RXFP1: variants seen among roughly 807,000 people sequenced by gnomAD.
The protein encoded by RXFP1 is relaxin family peptide receptor 1.
A neutral mutation model predicts 89.8 loss-of-function variants in RXFP1; 73 were observed. That is an observed-to-expected ratio of 0.81 (90% CI 0.67 to 0.99). RXFP1 has a LOEUF of 0.99. Ranked by LOEUF, RXFP1 falls within the 50% of genes least tolerant of loss-of-function variation. RXFP1 has a pLI of 0.00. For missense variants in RXFP1, 793 were observed against 895.5 expected, an observed-to-expected ratio of 0.89 and a Z score of 1.46; for synonymous variants, 277 against 305.5, an observed-to-expected ratio of 0.91 and a Z score of 0.97.
intron 1 of RXFP1, among the ~76,000 whole-genome samples, chr4:158,552,417 G>A (rs1045276776): frequency 1.2e-4 from 19 of 152,258 alleles, no homozygotes; most frequent in African/African-American, 4.6e-4. Flanking sequence ...AATGCTTACT[G>A]AATGTGAACT....
intron 12 of RXFP1, 134 bp downstream of exon 12, chr4:158,633,610 C>T (rs1422858894): frequency 1.9e-6 from 1 of 531,994 alleles, no homozygotes; most frequent in East Asian, 3.4e-5. Context: ...CATTGCTGCC[C>T]AACCACCACC....
At chr4:158,626,148 A>ATAGATAGATAGATAGATAGATAGTTAGT (rs1554019530) in intron 9 of RXFP1, among the ~76,000 whole-genome samples, 2 of 149,644 alleles carry the variant, frequency 1.3e-5, no homozygotes, top group African/African-American at 5.0e-5. Context: ...AGATAGATAG[A>ATAGATAGATAGATAGATAGATAGTTAGT]TAGATAGATA....
At chr4:158,596,324 C>T (rs1011209338) in intron 3 of RXFP1, among the ~76,000 whole-genome samples, 5 of 145,908 alleles carry the variant, frequency 3.4e-5, no homozygotes, top group African/African-American at 5.0e-5. Context: ...AGTGCAATGG[C>T]GCAATCTTGG....
intron 1 of RXFP1, among the ~76,000 whole-genome samples, chr4:158,546,832 A>G (rs1347343535): frequency 8.6e-5 from 13 of 151,546 alleles, no homozygotes; most frequent in East Asian, 3.9e-4. Context: ...TTTTTGATGT[A>G]CTGCTGGATT....
chr4:158,645,027 G>T lies in RXFP1; in HGVS notation c.1234G>T (p.Val412Phe), dbSNP rs374291602. 2.5e-6 allele frequency: 4 copies of T among 1,614,012 alleles called. No homozygotes were observed. The African/African-American group carries it at 5.3e-5, about 22-fold the overall frequency. The change falls in exon 15 of 18, where the codon GTC becomes TTC. Residue 412 changes from valine to phenylalanine, a missense_variant. Val to Phe is a conservative substitution (Grantham distance 50). Transcript: ENST00000307765. ...LLASIIQRVF[V>F]WVVSAVTCFG... ...GGCAAGCATTATTCAGAGAGTATTT[G>T]TCTGGGTTGTATCTGCAGTTACCTG...
At chr4:158,544,336 C>A in intron 1 of RXFP1, 1 of 984,708 alleles carries the variant, frequency 1.0e-6, no homozygotes. Flanking sequence ...GATGAGACAG[C>A]ATCTCATCCT....
intron 1 of RXFP1, among the ~76,000 whole-genome samples, chr4:158,540,789 G>A (rs1004633996): frequency 7.9e-5 from 12 of 152,116 alleles, no homozygotes; most frequent in African/African-American, 2.9e-4. Context: ...AGCCTGTGCT[G>A]TAAACATGCC....
intron 1 of RXFP1, 37 bp from the exon 2 acceptor site, chr4:158,572,661 C>T (rs748690062): frequency 6.3e-7 from 1 of 1,597,328 alleles, no homozygotes; most frequent in Non-Finnish European, 8.6e-7. Flanking sequence ...TTGTATTAAC[C>T]ACCTTCAAAC....
intron 1 of RXFP1, among the ~76,000 whole-genome samples, chr4:158,571,533 A>T (rs1236206036): frequency 1.3e-5 from 2 of 152,238 alleles, no homozygotes; most frequent in East Asian, 3.9e-4. Context: ...GTGGTGGTGC[A>T]TGCCTGTAAT....
intron 4 of RXFP1, among the ~76,000 whole-genome samples, chr4:158,603,129 G>C (rs1046034290): frequency 6.6e-6 from 1 of 151,840 alleles, no homozygotes; most frequent in Non-Finnish European, 1.5e-5. Flanking sequence ...ATGGCGGTGG[G>C]GGGGCAGTCT....
At chr4:158,567,225 A>G (rs1442432172) in intron 1 of RXFP1, among the ~76,000 whole-genome samples, 1 of 151,978 alleles carries the variant, frequency 6.6e-6, no homozygotes, top group East Asian at 1.9e-4. Context: ...CTCCCCGACG[A>G]CCATGGCCCC....
At chr4:158,535,070 C>T (rs1744986901) in intron 1 of RXFP1, among the ~76,000 whole-genome samples, 1 of 151,500 alleles carries the variant, frequency 6.6e-6, no homozygotes, top group Non-Finnish European at 1.5e-5. Context: ...ACAAGCTAGC[C>T]AAGCAAGTTG....
intron 1 of RXFP1, among the ~76,000 whole-genome samples, chr4:158,565,139 G>A (rs1196063282): frequency 6.6e-6 from 1 of 152,130 alleles, no homozygotes; most frequent in Non-Finnish European, 1.5e-5. Flanking sequence ...TGAGTAAGGC[G>A]AGGAGAGCAT....
intron 8 of RXFP1, among the ~76,000 whole-genome samples, chr4:158,614,196 TCTTGAGGGCCCTAG>T (rs563647210): frequency 5.3e-5 from 8 of 152,278 alleles, no homozygotes; most frequent in African/African-American, 1.9e-4. Context: ...TTAGCGTAAT[TCTTGAGGGCCCTAG>T]GATTTTTGGA....
In RXFP1 at chr4:158,542,079, C is replaced by CCATATATATATATATATA. The variant is rs56378897; in HGVS notation, c.49+20054_49+20055insCATATATATATATATATA. ...GGACTACAGGCAGGCGCCACCATGGCTATATATATATATATATATATATAT... is the reference window on the plus strand; with the variant it reads ...GGACTACAGGCAGGCGCCACCATGGCCATATATATATATATATATATATATATATATATATATATATAT... On this transcript the variant is annotated intron_variant, in intron 1 of 17. Coordinates refer to ENST00000307765, the MANE Select transcript of RXFP1 (RefSeq NM_021634.4). Among the ~76,000 whole-genome samples the CCATATATATATATATATA allele has an allele frequency of 1.5e-3, 45 of 29,792 alleles. 11 individuals are homozygous for CCATATATATATATATATA. The highest frequency in any genetic ancestry group is 2.1e-3 in the Non-Finnish European group (30 of 14,284). The allele number at this position is 29,792 out of a possible 152,430, so 19.5% of individuals were successfully genotyped here.
intron 1 of RXFP1, chr4:158,544,477 T>G: frequency 2.1e-6 from 1 of 485,650 alleles, no homozygotes; most frequent in Non-Finnish European, 2.7e-6. Flanking sequence ...ACTTTAAGTT[T>G]TAGGGTACAT....
Position 158,569,631 on chromosome 4 carries a change from G to T in RXFP1, c.50-3067G>T, listed in dbSNP as rs115594482. ...TTGTTGCCCTTCAAAGTCAGAATAG[G>T]ATGGTTATGTGAAACGTTATCAAAT... On this transcript the variant is annotated intron_variant, in intron 1 of 17. Transcript: ENST00000307765. Among the ~76,000 whole-genome samples the T allele has an allele frequency of 9.8e-3, 1,489 of 152,278 alleles. 25 individuals carry two copies. Among genetic ancestry groups the T allele is most frequent in the African/African-American group, 0.034 (1,419 of 41,548 alleles).
At chr4:158,645,880 A>G (rs1771450339) in intron 15 of RXFP1, among the ~76,000 whole-genome samples, 2 of 151,950 alleles carry the variant, frequency 1.3e-5, no homozygotes, top group African/African-American at 4.8e-5. Context: ...TTTTTATTGC[A>G]AGCTATGTAA....
Position 158,637,991 on chromosome 4 carries a change from C to T in RXFP1, c.972-17C>T. 6.5e-7 allele frequency: 1 copy of T among 1,535,846 alleles called. No individual in the cohort carries two copies. The stretch of plus-strand genomic sequence containing the variant: ...AGTTTTTAGAAATGACCTATTGCTG[C>T]TTTTTTTAAAAAACAGGAATCTTTC... On this transcript the variant is annotated splice_polypyrimidine_tract_variant and intron_variant, in intron 12 of 17. Coordinates refer to ENST00000307765, the MANE Select transcript of RXFP1 (RefSeq NM_021634.4).
Sources: gnomAD v4.1 joint callset for allele counts (sites outside exome capture counted in the v4.1 genomes callset) on GRCh38, gnomAD v4.1.1 for gene constraint, MANE v1.5 for transcripts, NCBI Gene and HGNC (gene_info 2026-07-23, HGNC 2026-07-21) for gene names.